The following YEATS2 variants were observed in gnomAD, a reference collection of about 807,000 sequenced individuals.
YEATS2 encodes the protein YEATS domain containing 2, also known as YEATS domain-containing protein 2.
In YEATS2, 77 loss-of-function variants were observed where a neutral mutation model predicts 163.2. The ratio of observed to expected loss-of-function variants is 0.47; its 90% CI spans 0.39 to 0.57. The LOEUF (loss-of-function observed/expected upper bound fraction) is 0.57, where lower values mean the gene tolerates loss of function less well. Among genes scored for constraint, YEATS2 ranks in the 20% least tolerant of loss-of-function variants. YEATS2 has a pLI of 0.00. For missense variants in YEATS2, 1,549 were observed against 1,729.8 expected (o/e 0.90, Z 1.85); for synonymous variants, 631 against 645.1 (o/e 0.98, Z 0.33).
At chr3:183,713,992 A>G (rs1715545592) in intron 1 of YEATS2, among the ~76,000 whole-genome samples, 1 of 151,936 alleles carries the variant, frequency 6.6e-6, no homozygotes, top group Non-Finnish European at 1.5e-5. Context: ...TTTAGTAGAG[A>G]TGGGGTTTCA....
intron 30 of YEATS2, chr3:183,810,056 G>C: frequency 5.5e-6 from 1 of 182,044 alleles, no homozygotes; most frequent in Non-Finnish European, 1.1e-5. Flanking sequence ...GAGTGACTTA[G>C]GTGCTTTTGA....
intron 5 of YEATS2, 134 bp from the exon 6 acceptor site, chr3:183,724,285 C>A: frequency 3.1e-6 from 2 of 635,220 alleles, no homozygotes; most frequent in Non-Finnish European, 2.7e-6. Context: ...TTGAGAGGTG[C>A]TACAAAGCCA....
chr3:183,799,066 C>T, intron 23 of YEATS2, 77 bp downstream of exon 23: 2 of 1,114,594 alleles, frequency 1.8e-6, no homozygotes, highest in South Asian at 2.5e-5. Flanking sequence ...CTCCTGATGT[C>T]CAGAAGCTTT....
At chr3:183,735,995 ATTT>A (rs1718297590) in intron 7 of YEATS2, among the ~76,000 whole-genome samples, 1 of 152,144 alleles carries the variant, frequency 6.6e-6, no homozygotes, top group Admixed American at 6.6e-5. Flanking sequence ...AAATTTCTAA[ATTT>A]TTTTATTATG....
intron 9 of YEATS2, among the ~76,000 whole-genome samples, chr3:183,750,142 A>G (rs1720013350): frequency 6.6e-6 from 1 of 151,958 alleles, no homozygotes; most frequent in African/African-American, 2.4e-5. Context: ...TATTTTTTGT[A>G]GAGACAGGGT....
intron 3 of YEATS2, 59 bp downstream of exon 3, chr3:183,717,807 T>TTGAAAAATAA: frequency 9.4e-7 from 1 of 1,061,794 alleles, no homozygotes; most frequent in Non-Finnish European, 1.3e-6. Context: ...GTATACATGA[T>TTGAAAAATAA]TGAAAAATAA....
At chr3:183,759,891 C>G (rs1212090162) in intron 13 of YEATS2, among the ~76,000 whole-genome samples, 2 of 152,230 alleles carry the variant, frequency 1.3e-5, no homozygotes, top group African/African-American at 4.8e-5. Context: ...TTTCCTTTTC[C>G]ATGTGTTAAC....
chr3:183,810,372 G>A (rs941796820), intron 30 of YEATS2, 103 bp from the exon 31 acceptor site: 6 of 1,047,930 alleles, frequency 5.7e-6, no homozygotes, highest in South Asian at 2.9e-5. Flanking sequence ...CCCTCTCCAC[G>A]GGGCCTCTGC....
At chr3:183,738,444 C>T (rs1577085505) in intron 8 of YEATS2, among the ~76,000 whole-genome samples, 1 of 127,968 alleles carries the variant, frequency 7.8e-6, no homozygotes, top group Non-Finnish European at 1.6e-5. Flanking sequence ...AGTACATGTG[C>T]ACATTGTGCA....
intron 1 of YEATS2, among the ~76,000 whole-genome samples, chr3:183,707,936 A>C (rs948726159): frequency 6.6e-6 from 1 of 151,900 alleles, no homozygotes; most frequent in Non-Finnish European, 1.5e-5. Context: ...GGCCTCCCAA[A>C]GTGCTGAGAT....
chr3:183,712,178 T>C (rs1577037576), intron 1 of YEATS2, among the ~76,000 whole-genome samples: 1 of 145,934 alleles, frequency 6.9e-6, no homozygotes, highest in African/African-American at 2.6e-5. Context: ...TGAGTTAGCA[T>C]TTTATGTTCT....
At position 183,775,997 on chromosome 3, in the gene YEATS2, C is replaced by A; in HGVS notation, c.2451C>A (p.Ser817Arg). 1 of 1,608,232 alleles carries A rather than the reference C, an allele frequency of 6.2e-7. No homozygotes were observed. The highest frequency in any genetic ancestry group is 8.5e-7 in the Non-Finnish European group (1 of 1,176,596). Reference sequence around the variant, plus strand: ...GAGGAGGAGGAGGCGGCAGTGGCAGCGGTGGAGGCGGCAGCACAGGAGGAG... The same window carrying A: ...GAGGAGGAGGAGGCGGCAGTGGCAGAGGTGGAGGCGGCAGCACAGGAGGAG... Reference protein sequence around the residue: ...GGGGGGGGSGSGGGGSTGGGG... With the variant: ...GGGGGGGGSGRGGGGSTGGGG... Residue 817 changes from serine (S) to arginine (R), a missense_variant, in exon 18 of 31, where the codon AGC (serine) becomes AGA (arginine). Physicochemically the swap from Ser to Arg is moderately radical, Grantham distance 110. Coordinates refer to ENST00000305135, the MANE Select transcript of YEATS2 (RefSeq NM_018023.5).
At chr3:183,736,877 A>G in intron 8 of YEATS2, 48 bp downstream of exon 8, 1 of 1,524,210 alleles carries the variant, frequency 6.6e-7, no homozygotes, top group Non-Finnish European at 9.0e-7. Flanking sequence ...TCTTTTTACC[A>G]GCTACAATTG....
rs191757988 is a variant in YEATS2 at position 183,713,580 on chromosome 3, A to G, written c.-19-1564A>G. Among the ~76,000 whole-genome samples, 289 of 152,282 alleles carry G rather than the reference A, an allele frequency of 1.9e-3. 1 individual carries two copies. Among genetic ancestry groups the G allele is most frequent in the African/African-American group, 6.7e-3 (280 of 41,558 alleles). ...TCCGTCTCAATCAATCAATCAATCAATAAGAAACCTGGCAGCTAGAAAATT... is the reference window on the plus strand; with the variant it reads ...TCCGTCTCAATCAATCAATCAATCAGTAAGAAACCTGGCAGCTAGAAAATT... On this transcript the variant is annotated intron_variant, in intron 1 of 30. Coordinates refer to ENST00000305135, the MANE Select transcript of YEATS2 (RefSeq NM_018023.5).
chr3:183,712,809 G>A (rs537391078), intron 1 of YEATS2, among the ~76,000 whole-genome samples: 3 of 151,058 alleles, frequency 2.0e-5, no homozygotes, highest in South Asian at 4.2e-4. Context: ...TGCCCAGGCC[G>A]GAGTGCAGTG....
chr3:183,745,139 C>T (rs771791711), intron 8 of YEATS2, among the ~76,000 whole-genome samples: 14 of 152,204 alleles, frequency 9.2e-5, no homozygotes, highest in African/African-American at 2.7e-4. Flanking sequence ...CGTGAGCCAC[C>T]GCGCCCTGGC....
At position 183,776,119 on chromosome 3, in the gene YEATS2, C is replaced by T. The variant is rs1350961641; in HGVS notation, c.2573C>T (p.Pro858Leu). 6.4e-7 allele frequency: 1 copy of T among 1,567,520 alleles called. No homozygotes were observed. The highest frequency in any genetic ancestry group is 1.9e-5 in the Admixed American group (1 of 52,696). Residue 858 changes from proline (P) to leucine (L), a missense_variant, in exon 18 of 31, where the codon CCC becomes CTC. Coordinates refer to ENST00000305135, the MANE Select transcript of YEATS2 (RefSeq NM_018023.5). ...TYTSYILKQT[P>L]QGTFLVGQPS... ...ACATCTTACATCCTCAAGCAAACTC[C>T]CCAGGTCTGGTTCTCTGTAACTGAT... is the stretch of plus-strand genomic sequence containing the variant.
At chr3:183,702,216 G>A (rs1049974112) in intron 1 of YEATS2, among the ~76,000 whole-genome samples, 3 of 152,120 alleles carry the variant, frequency 2.0e-5, no homozygotes, top group Non-Finnish European at 2.9e-5. Context: ...AGGCCAAGGC[G>A]GGTGGATCAT....
At chr3:183,790,328 T>A (rs2108479386) in intron 20 of YEATS2, among the ~76,000 whole-genome samples, 1 of 152,316 alleles carries the variant, frequency 6.6e-6, no homozygotes, top group East Asian at 1.9e-4. Context: ...GTCGCTTTTC[T>A]CTCAGAGCCT....
Sources: gnomAD v4.1 joint callset for allele counts (sites outside exome capture counted in the v4.1 genomes callset) on GRCh38, gnomAD v4.1.1 for gene constraint, MANE v1.5 for transcripts, NCBI Gene and HGNC (gene_info 2026-07-23, HGNC 2026-07-21) for gene names.